ESF1: variants seen among roughly 807,000 people sequenced by gnomAD.
ESF1 encodes the protein ESF1 nucleolar pre-rRNA processing protein.
In ESF1, 58 loss-of-function variants were observed where a neutral mutation model predicts 92.0. That is an observed-to-expected ratio of 0.63 (90% confidence interval 0.51 to 0.78). The LOEUF is 0.78. ESF1 is among the 30% of genes least tolerant of loss of function. The pLI is 0.00. For synonymous variants in ESF1, 321 were observed against 313.7 expected, an observed-to-expected ratio of 1.02 and a Z score of -0.24; for missense variants, 922 against 989.1, an observed-to-expected ratio of 0.93 and a Z score of 0.91.
chr20:13,715,429 C>T (rs1350046685), intron 13 of ESF1, among the ~76,000 whole-genome samples: 1 of 152,098 alleles, frequency 6.6e-6, no homozygotes, highest in Non-Finnish European at 1.5e-5. Context: ...CATACATATA[C>T]ATATTATGGC....
chr20:13,773,592 C>T (rs571085822), intron 4 of ESF1, among the ~76,000 whole-genome samples: 1 of 152,204 alleles, frequency 6.6e-6, no homozygotes, highest in East Asian at 1.9e-4. Context: ...TTCAAGCAGC[C>T]TATTTTGATC....
chr20:13,717,274 A>G (rs1482270201), intron 13 of ESF1, 94 bp downstream of exon 13: 1 of 1,474,490 alleles, frequency 6.8e-7, no homozygotes, highest in African/African-American at 1.4e-5. Context: ...AGACATTTTC[A>G]AGGGTAACTT....
chr20:13,768,409 C>A (rs1047519613), intron 7 of ESF1, among the ~76,000 whole-genome samples: 7 of 152,042 alleles, frequency 4.6e-5, no homozygotes, highest in African/African-American at 1.7e-4. Flanking sequence ...ATGGTGAAAC[C>A]CCGTCTGTAC....
chr20:13,738,714 G>A (rs773340993), intron 9 of ESF1, among the ~76,000 whole-genome samples: 9 of 152,134 alleles, frequency 5.9e-5, no homozygotes, highest in Non-Finnish European at 1.3e-4. Flanking sequence ...TATTATTAAT[G>A]GGTATCTCTC....
intron 11 of ESF1, among the ~76,000 whole-genome samples, chr20:13,722,698 T>C (rs1361001130): frequency 1.3e-5 from 2 of 151,428 alleles, no homozygotes; most frequent in East Asian, 3.9e-4. Flanking sequence ...TTTTTTTTTT[T>C]TAAATTAGCC....
At chr20:13,734,481 G>T (rs2049963529) in intron 9 of ESF1, among the ~76,000 whole-genome samples, 1 of 152,112 alleles carries the variant, frequency 6.6e-6, no homozygotes, top group African/African-American at 2.4e-5. Context: ...CTCTTTCAAT[G>T]CTGCTATTTG....
intron 2 of ESF1, among the ~76,000 whole-genome samples, chr20:13,777,374 C>T (rs1979990713): frequency 6.6e-6 from 1 of 152,120 alleles, no homozygotes; most frequent in Admixed American, 6.5e-5. Context: ...AAAGGGAACA[C>T]TGGAAATGAA....
rs577355658 is a variant in ESF1 at position 13,772,097 on chromosome 20, A to T, written c.1250+418T>A. On this transcript the variant is annotated intron_variant, in intron 5 of 13. Transcript: ENST00000617257. ...ATTTTCTATATTGCACCATGATGAT[A>T]AAAAAAAAAGTTTTATCATTCTTTC... Among the ~76,000 whole-genome samples the T allele has an allele frequency of 6.1e-4, 87 of 143,522 alleles. 1 individual carries two copies. In the South Asian group the frequency reaches 0.018, roughly 29 times the overall value. 94.2% of individuals were successfully genotyped at this position (143,522 alleles called of 152,430 possible).
At chr20:13,763,639 G>A (rs1274688117) in intron 8 of ESF1, among the ~76,000 whole-genome samples, 1 of 152,152 alleles carries the variant, frequency 6.6e-6, no homozygotes, top group Non-Finnish European at 1.5e-5. Context: ...ACATGTGTGA[G>A]GGGAAAAGAC....
chr20:13,769,780 T>C (rs1382456295), intron 7 of ESF1, 127 bp downstream of exon 7: 6 of 700,070 alleles, frequency 8.6e-6, no homozygotes, highest in African/African-American at 5.5e-5. Flanking sequence ...AGCGAGACTC[T>C]GTCTCAAGAA....
chr20:13,744,585 C>T (rs1408370759), intron 9 of ESF1, among the ~76,000 whole-genome samples: 1 of 152,188 alleles, frequency 6.6e-6, no homozygotes. Context: ...CATACCCTGG[C>T]TAACTGTGTT....
intron 10 of ESF1, among the ~76,000 whole-genome samples, chr20:13,728,743 T>A (rs1427528590): frequency 6.6e-6 from 1 of 151,906 alleles, no homozygotes; most frequent in Non-Finnish European, 1.5e-5. Flanking sequence ...GGTGCATGCC[T>A]GTAGTCCCAG....
At chr20:13,754,701 C>T (rs1978803039) in intron 9 of ESF1, among the ~76,000 whole-genome samples, 1 of 152,194 alleles carries the variant, frequency 6.6e-6, no homozygotes, top group South Asian at 2.1e-4. Context: ...CTTTAATCTA[C>T]TTATCTATAG....
chr20:13,759,787 T>C lies in ESF1; in HGVS notation c.1733A>G (p.Gln578Arg). 6.3e-7 allele frequency: 1 copy of C among 1,593,240 alleles called. No individual in the cohort carries two copies. Among genetic ancestry groups the C allele is most frequent in the Non-Finnish European group, 8.5e-7 (1 of 1,174,566 alleles). The part of the protein sequence containing the change: ...TKKSQKDDEE[Q>R]IAKYRQLLQV... Reference sequence around the variant, plus strand: ...CAAGAGCTGCCTGTATTTAGCAATTTGTTCTTCATCATCCTTCTGACTTTT... The same window carrying C: ...CAAGAGCTGCCTGTATTTAGCAATTCGTTCTTCATCATCCTTCTGACTTTT... Residue 578 changes from glutamine (Q) to arginine (R), a missense_variant, in exon 9 of 14, where the codon CAA (glutamine) becomes CGA (arginine). Gln to Arg is a conservative substitution (Grantham distance 43). Transcript: ENST00000617257.
At chr20:13,747,578 G>A (rs1432531148) in intron 9 of ESF1, among the ~76,000 whole-genome samples, 4 of 148,988 alleles carry the variant, frequency 2.7e-5, no homozygotes, top group Non-Finnish European at 4.4e-5. Flanking sequence ...TGCCGACAGA[G>A]CGAGACTCAG....
chr20:13,742,297 C>T (rs1219846837), intron 9 of ESF1, among the ~76,000 whole-genome samples: 1 of 151,950 alleles, frequency 6.6e-6, no homozygotes, highest in Non-Finnish European at 1.5e-5. Flanking sequence ...ATGGCAAAAC[C>T]CCGTCTCTAC....
At chr20:13,769,448 AC>A (rs1242926062) in intron 7 of ESF1, among the ~76,000 whole-genome samples, 1 of 152,216 alleles carries the variant, frequency 6.6e-6, no homozygotes, top group African/African-American at 2.4e-5. Flanking sequence ...AGAGGCAGAC[AC>A]GCTTGTGTCT....
intron 9 of ESF1, among the ~76,000 whole-genome samples, chr20:13,751,007 C>A (rs1469374220): frequency 6.6e-6 from 1 of 152,096 alleles, no homozygotes; most frequent in Non-Finnish European, 1.5e-5. Flanking sequence ...TGAGAAGAGA[C>A]ACGAAGATGC....
chr20:13,783,487 G>C (rs947242516), intron 1 of ESF1, among the ~76,000 whole-genome samples: 17 of 152,146 alleles, frequency 1.1e-4, no homozygotes, highest in Non-Finnish European at 4.4e-5. Flanking sequence ...CTCTCACTTA[G>C]AATTTCTATT....
Sources: gnomAD v4.1 joint callset for allele counts (sites outside exome capture counted in the v4.1 genomes callset) on GRCh38, gnomAD v4.1.1 for gene constraint, MANE v1.5 for transcripts, NCBI Gene and HGNC (gene_info 2026-07-23, HGNC 2026-07-21) for gene names.